GOLGA4: variants seen among roughly 807,000 people sequenced by gnomAD.
GOLGA4 encodes golgin A4.
GOLGA4 carries 169 observed loss-of-function variants against 265.9 expected under a neutral mutation model. That is an observed-to-expected ratio of 0.64 (90% CI 0.56 to 0.72). The LOEUF is 0.72. Among genes scored for constraint, GOLGA4 ranks in the 30% least tolerant of loss-of-function variants. The pLI, the probability that GOLGA4 is intolerant of heterozygous loss-of-function variation, is 0.00. For synonymous variants in GOLGA4, 923 were observed against 855.8 expected (o/e 1.08, Z -1.37); for missense variants, 2,482 against 2,483.4 (o/e 1.00, Z 0.01).
chr3:37,273,648 T>C (rs2096805072), intron 2 of GOLGA4: 2 of 959,180 alleles, frequency 2.1e-6, no homozygotes, highest in East Asian at 2.6e-5. Flanking sequence ...CATTTCAGAG[T>C]GTTGGTCAGT....
At chr3:37,244,827 G>A (rs886778464) in intron 1 of GOLGA4, among the ~76,000 whole-genome samples, 4 of 152,194 alleles carry the variant, frequency 2.6e-5, no homozygotes, top group Non-Finnish European at 5.9e-5. Context: ...AAATGGTAAA[G>A]ATTGTCCTTT....
intron 10 of GOLGA4, among the ~76,000 whole-genome samples, chr3:37,305,136 C>T (rs1241694625): frequency 6.6e-6 from 1 of 152,012 alleles, no homozygotes; most frequent in Non-Finnish European, 1.5e-5. Flanking sequence ...CCAGGCTGGT[C>T]TCGAACTCCC....
At position 37,329,110 on chromosome 3, in the gene GOLGA4, TTC is replaced by T. The variant is rs769750228; in HGVS notation, c.6192+24_6192+25del. 1 of 1,571,812 alleles carries T rather than the reference TTC, an allele frequency of 6.4e-7. No individual in the cohort carries two copies. Among genetic ancestry groups the T allele is most frequent in the South Asian group, 1.2e-5 (1 of 84,520 alleles). On this transcript the variant is annotated intron_variant, in intron 16 of 23. Coordinates refer to ENST00000361924, the MANE Select transcript of GOLGA4 (RefSeq NM_002078.5). Reference sequence around the variant, plus strand: ...ATCCTTGATGTTTGTACCTTATTTCTTCTCTCTCACTTTTGAAATTTAGCTGT... The same window carrying T: ...ATCCTTGATGTTTGTACCTTATTTCTTCTCTCACTTTTGAAATTTAGCTGT...
At chr3:37,259,053 TATTA>T (rs1255358415) in intron 2 of GOLGA4, among the ~76,000 whole-genome samples, 1 of 152,222 alleles carries the variant, frequency 6.6e-6, no homozygotes, top group African/African-American at 2.4e-5. Context: ...GAAGAATTGC[TATTA>T]ATTCTTTAAA....
chr3:37,347,285 C>G lies in GOLGA4; in HGVS notation c.6565C>G (p.Arg2189Gly), dbSNP rs1349827800. The change falls in exon 21 of 24, where the codon CGT becomes GGT. Residue 2189 changes from arginine to glycine, a missense_variant. Arg to Gly is a moderately radical substitution (Grantham distance 125, BLOSUM62 -2). Transcript: ENST00000361924. ...RKVLFEYMMG[R>G]ETKTMAKVIT... ...AGTGCTTTTTGAGTATATGATGGGTCGTGAGACTAAGGTATAAATCATGTC... is the reference window on the plus strand; with the variant it reads ...AGTGCTTTTTGAGTATATGATGGGTGGTGAGACTAAGGTATAAATCATGTC... 1 of 1,575,486 alleles carries G rather than the reference C, an allele frequency of 6.3e-7. No individual in the cohort carries two copies. The highest frequency in any genetic ancestry group is 2.2e-5 in the East Asian group (1 of 44,600).
At chr3:37,359,527 C>G (rs1344444189) in intron 22 of GOLGA4, among the ~76,000 whole-genome samples, 1 of 152,092 alleles carries the variant, frequency 6.6e-6, no homozygotes. Flanking sequence ...AAGAAAATTT[C>G]TCTTTGATGG....
intron 20 of GOLGA4, among the ~76,000 whole-genome samples, chr3:37,341,330 A>G (rs1177229705): frequency 6.6e-6 from 1 of 152,206 alleles, no homozygotes; most frequent in African/African-American, 2.4e-5. Flanking sequence ...CACTGTATTA[A>G]GAATAGTTTT....
chr3:37,261,542 G>A (rs780557971), intron 2 of GOLGA4, among the ~76,000 whole-genome samples: 22 of 152,266 alleles, frequency 1.4e-4, no homozygotes, highest in Middle Eastern at 3.4e-3. Context: ...TCCAAGTATG[G>A]TATGAAACTA....
rs59678594 is a variant in GOLGA4 at position 37,334,799 on chromosome 3, A to G, written c.6193-254A>G. Among the ~76,000 whole-genome samples the G allele has an allele frequency of 7.1e-3, 1,080 of 152,190 alleles. 15 individuals carry two copies. Among genetic ancestry groups the G allele is most frequent in the African/African-American group, 0.024 (1,013 of 41,516 alleles). On this transcript the variant is annotated intron_variant, in intron 16 of 23. Transcript: ENST00000361924. ...GAGAGAGGGAGTGAGGGTGAGAAAA[A>G]TGATATCCTAGGAATAATGAGCATT... is the stretch of plus-strand genomic sequence containing the variant.
intron 10 of GOLGA4, among the ~76,000 whole-genome samples, chr3:37,309,911 A>G (rs1429781442): frequency 1.3e-5 from 2 of 152,262 alleles, no homozygotes; most frequent in Non-Finnish European, 1.5e-5. Flanking sequence ...CTGCTGCTGT[A>G]GACTTTGATT....
At chr3:37,363,578 T>G (rs1696510035) in intron 23 of GOLGA4, among the ~76,000 whole-genome samples, 1 of 152,242 alleles carries the variant, frequency 6.6e-6, no homozygotes, top group Non-Finnish European at 1.5e-5. Context: ...TTTGTAACAT[T>G]TGGCAATTAC....
At chr3:37,280,879 C>T (rs971460279) in intron 2 of GOLGA4, among the ~76,000 whole-genome samples, 1 of 148,988 alleles carries the variant, frequency 6.7e-6, no homozygotes, top group African/African-American at 2.6e-5. Flanking sequence ...TCCTCTTACT[C>T]CTACCTTGCC....
At chr3:37,293,920 A>T (rs1490376935) in intron 5 of GOLGA4, among the ~76,000 whole-genome samples, 1 of 152,232 alleles carries the variant, frequency 6.6e-6, no homozygotes, top group Non-Finnish European at 1.5e-5. Flanking sequence ...TACTGTACTG[A>T]ACTCTGTAGA....
chr3:37,314,617 G>A (rs1290396097), intron 10 of GOLGA4, among the ~76,000 whole-genome samples: 1 of 144,934 alleles, frequency 6.9e-6, no homozygotes, highest in African/African-American at 2.6e-5. Context: ...CTCCATCCTG[G>A]GTGACGGAGC....
At chr3:37,319,963 G>A (rs1001387610) in intron 12 of GOLGA4, 1 of 152,108 alleles carries the variant, frequency 6.6e-6, no homozygotes, top group Non-Finnish European at 1.5e-5. Flanking sequence ...AATCTCATCA[G>A]ACTGAGTGTA....
chr3:37,327,390 T>G lies in GOLGA4; in HGVS notation c.5504T>G (p.Phe1835Cys). 6.2e-7 allele frequency: 1 copy of G among 1,613,978 alleles called. No homozygotes were observed. Among genetic ancestry groups the G allele is most frequent in the Non-Finnish European group, 8.5e-7 (1 of 1,179,882 alleles). Residue 1835 changes from phenylalanine to cysteine, a missense_variant, in exon 14 of 24, where the codon TTT (phenylalanine) becomes TGT (cysteine). By Grantham distance (205) the Phe-to-Cys change is radical (BLOSUM62 -2). Transcript: ENST00000361924. ...IQAKQNLENV[F>C]DDVQKTLQEK... ...GCAAAGCAAAACTTGGAAAATGTGT[T>G]TGACGACGTCCAGAAAACCCTCCAG...
In GOLGA4 at chr3:37,336,270, G is replaced by C. The variant is rs369536979; in HGVS notation, c.6307-873G>C. Reference sequence around the variant, plus strand: ...TGTAGTCATGACTTGAGTATTCCAGGTGCTATTATATATTACTTCTTTTGA... The same window carrying C: ...TGTAGTCATGACTTGAGTATTCCAGCTGCTATTATATATTACTTCTTTTGA... On this transcript the variant is annotated intron_variant, in intron 17 of 23. Transcript: ENST00000361924. 6.6e-5 allele frequency among the ~76,000 whole-genome samples: 10 copies of C among 151,750 alleles called. No individual in the cohort carries two copies. The East Asian group carries it at 1.6e-3, about 24-fold the overall frequency.
Position 37,327,759 on chromosome 3 carries a change from A to G in GOLGA4, c.5873A>G (p.Lys1958Arg). The G allele has an allele frequency of 6.2e-7, 1 of 1,612,760 alleles. No individual in the cohort carries two copies. Among genetic ancestry groups the G allele is most frequent in the South Asian group, 1.1e-5 (1 of 90,986 alleles). Residue 1958 changes from lysine to arginine, a missense_variant, in exon 14 of 24, where the codon AAG (lysine) becomes AGG (arginine). Around this residue, in one of 3 missense-constraint regions of GOLGA4, gnomAD observed 942 missense variants for 983.1 expected, o/e 0.96. Coordinates refer to ENST00000361924, the MANE Select transcript of GOLGA4 (RefSeq NM_002078.5). ...CAGAAAGACCTTCGAATGTTGAGAA[A>G]GGAGCATCAGCAAGAATTGGAAATA... ...RLQKDLRMLR[K>R]EHQQELEILK...
intron 1 of GOLGA4, among the ~76,000 whole-genome samples, chr3:37,251,092 C>G (rs367546623): frequency 9.2e-5 from 14 of 151,996 alleles, no homozygotes; most frequent in East Asian, 7.7e-4. Context: ...TCAGTTTTCT[C>G]TAATATTATC....
Sources: gnomAD v4.1 joint callset for allele counts (sites outside exome capture counted in the v4.1 genomes callset) on GRCh38, gnomAD v4.1.1 for gene constraint, gnomAD v4.1.1 regional missense constraint, MANE v1.5 for transcripts, NCBI Gene and HGNC (gene_info 2026-07-23, HGNC 2026-07-21) for gene names.